Variants in GLI3 observed in about 807,000 individuals in gnomAD.
GLI3 encodes GLI family zinc finger 3.
A neutral mutation model predicts 100.8 loss-of-function variants in GLI3; 20 were observed. The ratio of observed to expected loss-of-function variants is 0.20; its 90% CI spans 0.14 to 0.29. The LOEUF (loss-of-function observed/expected upper bound fraction) is 0.29. Among genes scored for constraint, GLI3 ranks in the 10% least tolerant of loss-of-function variants. The probability of loss-of-function intolerance (pLI) is 1.00; values close to 1 mark genes in which losing one functional copy is unlikely to be tolerated. For missense variants in GLI3, 2,040 were observed against 2,128.5 expected (o/e 0.96, Z 0.82); for synonymous variants, 938 against 860.5 (o/e 1.09, Z -1.58).
At chr7:41,991,681 T>C (rs2237428) in intron 10 of GLI3, among the ~76,000 whole-genome samples, 62,205 of 151,942 alleles carry the variant, frequency 0.41, 13,765 homozygotes, top group East Asian at 0.51. Context: ...TGTGCCTGAG[T>C]CTAAATAAGG....
At chr7:42,101,358 T>A (rs1455320554) in intron 3 of GLI3, among the ~76,000 whole-genome samples, 1 of 152,278 alleles carries the variant, frequency 6.6e-6, no homozygotes, top group East Asian at 1.9e-4. Flanking sequence ...CCCAGCACTT[T>A]GGGAGGCTGA....
chr7:42,083,773 T>G (rs527887033), intron 3 of GLI3, among the ~76,000 whole-genome samples: 5 of 152,242 alleles, frequency 3.3e-5, no homozygotes, highest in African/African-American at 4.8e-5. Context: ...CTTGTGTGAC[T>G]GACTTAATAT....
intron 3 of GLI3, among the ~76,000 whole-genome samples, chr7:42,103,766 T>G (rs1027824021): frequency 6.6e-6 from 1 of 152,046 alleles, no homozygotes; most frequent in Non-Finnish European, 1.5e-5. Flanking sequence ...TAACCCAAGA[T>G]AAGGAGTCAG....
intron 2 of GLI3, among the ~76,000 whole-genome samples, chr7:42,184,320 GC>G (rs1416970667): frequency 2.6e-5 from 4 of 152,284 alleles, no homozygotes; most frequent in African/African-American, 9.6e-5. Context: ...GACCTGCAAG[GC>G]CCCTGCCGCA....
intron 2 of GLI3, among the ~76,000 whole-genome samples, chr7:42,219,334 G>A (rs1201530356): frequency 2.0e-5 from 3 of 151,834 alleles, no homozygotes; most frequent in South Asian, 2.1e-4. Flanking sequence ...ATGAAACTAC[G>A]GGTACACTGT....
intron 3 of GLI3, among the ~76,000 whole-genome samples, chr7:42,125,496 T>C (rs530869694): frequency 6.6e-6 from 1 of 152,306 alleles, no homozygotes; most frequent in South Asian, 2.1e-4. Context: ...ACTACTGTGA[T>C]TGTCTTGAAC....
chr7:42,063,925 T>G (rs142593101), intron 4 of GLI3, among the ~76,000 whole-genome samples: 2 of 152,332 alleles, frequency 1.3e-5, no homozygotes, highest in Non-Finnish European at 2.9e-5. Context: ...CACATGTGCA[T>G]GTATGCCTAC....
At chr7:42,159,165 G>C in intron 2 of GLI3, among the ~76,000 whole-genome samples, 1 of 152,152 alleles carries the variant, frequency 6.6e-6, no homozygotes, top group East Asian at 1.9e-4. Flanking sequence ...TGTCTTCAGG[G>C]GGACTGTGAT....
intron 3 of GLI3, among the ~76,000 whole-genome samples, chr7:42,138,000 T>C (rs1032124982): frequency 6.6e-6 from 1 of 152,182 alleles, no homozygotes; most frequent in African/African-American, 2.4e-5. Context: ...TAAGGGGTAC[T>C]CAACCTGTAT....
intron 9 of GLI3, among the ~76,000 whole-genome samples, chr7:42,024,193 A>T (rs919852100): frequency 2.6e-5 from 4 of 152,160 alleles, no homozygotes; most frequent in African/African-American, 4.8e-5. Context: ...ATCTCTAAGG[A>T]TATGCTCACT....
At chr7:42,146,222 T>C (rs1231132979) in intron 3 of GLI3, among the ~76,000 whole-genome samples, 1 of 152,210 alleles carries the variant, frequency 6.6e-6, no homozygotes, top group Non-Finnish European at 1.5e-5. Flanking sequence ...TAATCCACTA[T>C]GAATGCTGTA....
rs939153245 is a variant in GLI3, at chr7:42,132,161, T to C, written c.367+16065A>G. On this transcript the variant is annotated intron_variant, in intron 3 of 14. Coordinates refer to ENST00000395925, the MANE Select transcript of GLI3 (RefSeq NM_000168.6). ...TGTCGCCCAGGCTGGAGTGCAGTGGTTCAATCTCGGCTCACTGCAAGCTCC... is the reference window on the plus strand; with the variant it reads ...TGTCGCCCAGGCTGGAGTGCAGTGGCTCAATCTCGGCTCACTGCAAGCTCC... Among the ~76,000 whole-genome samples the C allele has an allele frequency of 9.9e-5, 15 of 151,848 alleles. 1 individual carries two copies. Among genetic ancestry groups the C allele is most frequent in the African/African-American group, 3.4e-4 (14 of 41,300 alleles).
At chr7:42,228,681 T>C (rs1788633592) in intron 1 of GLI3, among the ~76,000 whole-genome samples, 1 of 152,180 alleles carries the variant, frequency 6.6e-6, no homozygotes, top group Admixed American at 6.5e-5. Context: ...AATAAAACAT[T>C]GGGGATCCCT....
chr7:42,130,739 G>A (rs951806751), intron 3 of GLI3, among the ~76,000 whole-genome samples: 1 of 152,168 alleles, frequency 6.6e-6, no homozygotes, highest in African/African-American at 2.4e-5. Context: ...ATCATCCATA[G>A]AGTTAACGAA....
chr7:42,237,617 TGCCGG>T (rs1788841326), upstream of GLI3, among the ~76,000 whole-genome samples: 2 of 150,710 alleles, frequency 1.3e-5, no homozygotes, highest in South Asian at 4.2e-4. Flanking sequence ...TAACAGATGT[TGCCGG>T]ACTCTCCTCG....
chr7:42,161,260 T>C (rs1022322235), intron 2 of GLI3, among the ~76,000 whole-genome samples: 3 of 152,134 alleles, frequency 2.0e-5, no homozygotes, highest in African/African-American at 7.2e-5. Flanking sequence ...GCAAAAATGA[T>C]AGGAAATTTA....
intron 3 of GLI3, among the ~76,000 whole-genome samples, chr7:42,079,890 A>G (rs1197440865): frequency 1.3e-5 from 2 of 152,202 alleles, no homozygotes; most frequent in East Asian, 1.9e-4. Flanking sequence ...CATTTAATAT[A>G]TGCCTCATAT....
chr7:42,182,656 A>ATATATATATATACATGTGTG, intron 2 of GLI3, among the ~76,000 whole-genome samples: 1 of 53,676 alleles, frequency 1.9e-5, no homozygotes, highest in African/African-American at 1.1e-4. Flanking sequence ...ATATATATAT[A>ATATATATATATACATGTGTG]TATATATATA....
chr7:42,135,056 C>T (rs1786393520), intron 3 of GLI3, among the ~76,000 whole-genome samples: 1 of 152,156 alleles, frequency 6.6e-6, no homozygotes, highest in Non-Finnish European at 1.5e-5. Flanking sequence ...AATCTGAAAT[C>T]ACCGTCACCA....
Sources: allele counts gnomAD v4.1 joint callset (sites outside exome capture counted in the v4.1 genomes callset), GRCh38; gene constraint gnomAD v4.1.1; transcripts MANE v1.5; gene names NCBI Gene and HGNC (gene_info 2026-07-23, HGNC 2026-07-21).